Variants in PDLIM5 observed in about 807,000 individuals in gnomAD.
PDLIM5 encodes PDZ and LIM domain protein 5.
In PDLIM5, 34 loss-of-function variants were observed where a neutral mutation model predicts 64.2. That is an observed-to-expected ratio of 0.53 (90% CI 0.40 to 0.71). The LOEUF (loss-of-function observed/expected upper bound fraction) is 0.71, where lower values mean the gene tolerates loss of function less well. PDLIM5 is among the 30% of genes least tolerant of loss of function. The pLI is 0.00. For synonymous variants in PDLIM5, 253 were observed against 269.1 expected (o/e 0.94, Z 0.59); for missense variants, 683 against 733.6 (o/e 0.93, Z 0.80).
At chr4:94,662,628 C>A in intron 12 of PDLIM5, 91 bp downstream of exon 12, 1 of 578,424 alleles carries the variant, frequency 1.7e-6, no homozygotes. Flanking sequence ...CTGGGTCTTT[C>A]AGTCCTTCAA....
chr4:94,512,771 C>A (rs1729003392), intron 2 of PDLIM5, among the ~76,000 whole-genome samples: 1 of 151,954 alleles, frequency 6.6e-6, no homozygotes, highest in African/African-American at 2.4e-5. Flanking sequence ...GCTTTGGATG[C>A]CTATGCTAGT....
intron 3 of PDLIM5, among the ~76,000 whole-genome samples, chr4:94,562,970 A>G (rs1733971392): frequency 6.6e-6 from 1 of 152,162 alleles, no homozygotes; most frequent in South Asian, 2.1e-4. Context: ...TAAATTTTCA[A>G]CAAAATCCAT....
intron 5 of PDLIM5, among the ~76,000 whole-genome samples, chr4:94,576,689 TAA>T (rs1735294127): frequency 6.6e-6 from 1 of 152,216 alleles, no homozygotes; most frequent in South Asian, 2.1e-4. Context: ...CTGAAATGAG[TAA>T]ATTTAAGCCA....
chr4:94,546,341 T>C (rs1378326023), intron 3 of PDLIM5, among the ~76,000 whole-genome samples: 2 of 152,114 alleles, frequency 1.3e-5, no homozygotes, highest in African/African-American at 4.8e-5. Context: ...CACATCTATA[T>C]ACACACAACC....
chr4:94,603,211 T>C (rs1017912898), intron 7 of PDLIM5, among the ~76,000 whole-genome samples: 3 of 152,188 alleles, frequency 2.0e-5, no homozygotes, highest in Admixed American at 6.5e-5. Flanking sequence ...AGTAGGAATT[T>C]GTTGCAAGGT....
At chr4:94,576,919 A>T (rs1455970481) in intron 5 of PDLIM5, among the ~76,000 whole-genome samples, 1 of 152,158 alleles carries the variant, frequency 6.6e-6, no homozygotes, top group East Asian at 1.9e-4. Context: ...GTTATCAGAT[A>T]GTCAGAAATT....
At chr4:94,500,400 A>G (rs988354542) in intron 2 of PDLIM5, among the ~76,000 whole-genome samples, 2 of 152,218 alleles carry the variant, frequency 1.3e-5, no homozygotes, top group African/African-American at 4.8e-5. Context: ...AACAGTTAAC[A>G]TTTTACCAAG....
chr4:94,576,064 C>A (rs759252784), intron 5 of PDLIM5, 30 bp downstream of exon 5: 2 of 1,557,238 alleles, frequency 1.3e-6, no homozygotes, highest in Non-Finnish European at 1.8e-6. Context: ...TCTGCTCTTA[C>A]TAAAACTCTT....
intron 7 of PDLIM5, among the ~76,000 whole-genome samples, chr4:94,610,617 A>C (rs1738292791): frequency 1.3e-5 from 2 of 152,196 alleles, no homozygotes; most frequent in Non-Finnish European, 2.9e-5. Context: ...TATATTTGAA[A>C]CAATAAAGTA....
chr4:94,640,336 A>G lies in PDLIM5; in HGVS notation c.1169A>G (p.Asn390Ser). 6.2e-7 allele frequency: 1 copy of G among 1,612,836 alleles called. No homozygotes were observed. The highest frequency in any genetic ancestry group is 1.3e-5 in the African/African-American group (1 of 75,022). The change falls in exon 9 of 13, where the codon AAC (asparagine) becomes AGC (serine). Residue 390 changes from asparagine (N) to serine (S), a missense_variant. Physicochemically the swap from Asn to Ser is conservative, Grantham distance 46. Transcript: ENST00000317968. ...TACTCAGGATCAGTGGCACCAGCCA[A>G]CTCAGCTTTGGGACAAACCCAGCCA... ...ATYSGSVAPA[N>S]SALGQTQPSD...
At chr4:94,587,856 T>C (rs1736365117) in intron 7 of PDLIM5, 1 of 843,522 alleles carries the variant, frequency 1.2e-6, no homozygotes, top group Non-Finnish European at 1.4e-6. Flanking sequence ...ATGGAAAAGA[T>C]AGCTTTGCTT....
intron 3 of PDLIM5, among the ~76,000 whole-genome samples, chr4:94,555,143 T>C (rs1733167638): frequency 6.6e-6 from 1 of 152,182 alleles, no homozygotes; most frequent in African/African-American, 2.4e-5. Flanking sequence ...AACCTCCGCC[T>C]CCCGGGTTCA....
intron 2 of PDLIM5, among the ~76,000 whole-genome samples, chr4:94,499,087 G>T (rs1282419190): frequency 6.6e-6 from 1 of 152,126 alleles, no homozygotes; most frequent in Non-Finnish European, 1.5e-5. Flanking sequence ...AAAATAATTT[G>T]AGATAAGATT....
At chr4:94,578,373 CTG>C (rs1283378994) in intron 5 of PDLIM5, among the ~76,000 whole-genome samples, 1 of 152,180 alleles carries the variant, frequency 6.6e-6, no homozygotes, top group Non-Finnish European at 1.5e-5. Context: ...CTGTCCAGCA[CTG>C]TGCAAAATTC....
At chr4:94,494,874 G>A (rs1344142789) in intron 2 of PDLIM5, among the ~76,000 whole-genome samples, 1 of 151,900 alleles carries the variant, frequency 6.6e-6, no homozygotes, top group Non-Finnish European at 1.5e-5. Context: ...TTAGCCTCCC[G>A]AGTAGCTGGG....
intron 4 of PDLIM5, 165 bp downstream of exon 4, chr4:94,573,558 C>A: frequency 1.4e-6 from 1 of 716,748 alleles, no homozygotes; most frequent in South Asian, 1.5e-5. Context: ...AAATGGAGAT[C>A]AGCACATACC....
chr4:94,615,172 C>T (rs1005511190), intron 7 of PDLIM5, among the ~76,000 whole-genome samples: 3 of 151,968 alleles, frequency 2.0e-5, no homozygotes, highest in Non-Finnish European at 4.4e-5. Flanking sequence ...GGAAATTTAC[C>T]AAGTTTAAAT....
At chr4:94,455,492 C>A in intron 2 of PDLIM5, 108 bp downstream of exon 2, 1 of 793,464 alleles carries the variant, frequency 1.3e-6, no homozygotes. Context: ...ATCATTGCTC[C>A]TGGGATTTGA....
At chr4:94,586,826 C>T (rs1043908660) in intron 7 of PDLIM5, among the ~76,000 whole-genome samples, 1 of 152,106 alleles carries the variant, frequency 6.6e-6, no homozygotes, top group African/African-American at 2.4e-5. Context: ...TCTAAAAATG[C>T]TCTACCCTTA....
Sources: gnomAD v4.1 joint callset for allele counts (sites outside exome capture counted in the v4.1 genomes callset) on GRCh38, gnomAD v4.1.1 for gene constraint, MANE v1.5 for transcripts, NCBI Gene and HGNC (gene_info 2026-07-23, HGNC 2026-07-21) for gene names.